EPHA7: variants seen among roughly 807,000 people sequenced by gnomAD.
EPHA7 encodes the protein EPH receptor A7.
In EPHA7, 25 loss-of-function variants were observed where a neutral mutation model predicts 112.6. That is an observed-to-expected ratio of 0.22 (90% confidence interval 0.16 to 0.31). The LOEUF is 0.31. Among genes scored for constraint, EPHA7 ranks in the 10% least tolerant of loss-of-function variants. EPHA7 has a pLI of 1.00. For missense variants in EPHA7, 962 were observed against 1,212.6 expected, an observed-to-expected ratio of 0.79 and a Z score of 3.07; for synonymous variants, 437 against 406.5, an observed-to-expected ratio of 1.07 and a Z score of -0.90.
At chr6:93,253,043 T>A (rs1351773069) in intron 14 of EPHA7, among the ~76,000 whole-genome samples, 1 of 152,060 alleles carries the variant, frequency 6.6e-6, no homozygotes, top group Non-Finnish European at 1.5e-5. Flanking sequence ...TTAAGTGAAC[T>A]CTGAATTTGT....
At chr6:93,364,080 G>C (rs1321009259) in intron 3 of EPHA7, among the ~76,000 whole-genome samples, 1 of 152,132 alleles carries the variant, frequency 6.6e-6, no homozygotes, top group Admixed American at 6.5e-5. Context: ...ATAGATATAA[G>C]GCTTATATTT....
intron 5 of EPHA7, among the ~76,000 whole-genome samples, chr6:93,290,411 A>G (rs1772300297): frequency 6.6e-6 from 1 of 152,204 alleles, no homozygotes; most frequent in African/African-American, 2.4e-5. Flanking sequence ...TAATAATTGT[A>G]CAAGATTGAT....
intron 2 of EPHA7, among the ~76,000 whole-genome samples, chr6:93,412,810 A>G (rs1779042435): frequency 1.3e-5 from 2 of 152,174 alleles, no homozygotes; most frequent in East Asian, 1.9e-4. Flanking sequence ...GTTTGAAGAA[A>G]CCAAAGCTAA....
intron 5 of EPHA7, among the ~76,000 whole-genome samples, chr6:93,296,840 T>A (rs556327849): frequency 6.6e-6 from 1 of 152,048 alleles, no homozygotes; most frequent in Non-Finnish European, 1.5e-5. Context: ...GAAATTATTT[T>A]GCCTATCACA....
intron 3 of EPHA7, among the ~76,000 whole-genome samples, chr6:93,366,148 A>G (rs1385294617): frequency 6.6e-6 from 1 of 152,190 alleles, no homozygotes; most frequent in Non-Finnish European, 1.5e-5. Flanking sequence ...AAGAAAAAAA[A>G]AGTCAAGTTA....
At chr6:93,275,157 C>G (rs1184204696) in intron 5 of EPHA7, among the ~76,000 whole-genome samples, 1 of 151,590 alleles carries the variant, frequency 6.6e-6, no homozygotes, top group Non-Finnish European at 1.5e-5. Context: ...TGACAATATA[C>G]AAATGAATAT....
At chr6:93,387,979 A>ATAG (rs751848116) in intron 3 of EPHA7, among the ~76,000 whole-genome samples, 7 of 131,486 alleles carry the variant, frequency 5.3e-5, no homozygotes, top group African/African-American at 1.4e-4. Context: ...AGATAGATAG[A>ATAG]ATAGATAGAT....
intron 5 of EPHA7, among the ~76,000 whole-genome samples, chr6:93,281,624 C>T (rs975240124): frequency 6.6e-6 from 1 of 152,092 alleles, no homozygotes; most frequent in Admixed American, 6.5e-5. Flanking sequence ...TAATGACCTC[C>T]CTTGCAGGTC....
intron 5 of EPHA7, among the ~76,000 whole-genome samples, chr6:93,345,184 T>C (rs1180103776): frequency 1.3e-5 from 2 of 151,730 alleles, no homozygotes; most frequent in Non-Finnish European, 3.0e-5. Context: ...AATAATACAA[T>C]AGTGATATGG....
rs546190019 is a variant in EPHA7 at position 93,373,532 on chromosome 6, T to C, written c.833-15121A>G. Reference sequence around the variant, plus strand: ...ATGGAATAGGTTCTCACTCTTGCCATTGACTTCTACTCATGATTCTCTGGA... The same window carrying C: ...ATGGAATAGGTTCTCACTCTTGCCACTGACTTCTACTCATGATTCTCTGGA... On this transcript the variant is annotated intron_variant, in intron 3 of 16. Coordinates refer to ENST00000369303, the MANE Select transcript of EPHA7 (RefSeq NM_004440.4). Among the ~76,000 whole-genome samples, 13 of 152,250 alleles carry C rather than the reference T, an allele frequency of 8.5e-5. No homozygotes were observed. In the East Asian group the frequency reaches 1.5e-3, roughly 18 times the overall value.
rs142832162 is a variant in EPHA7, at chr6:93,409,387, AT to A, written c.832+1113del. ...AAGCTATTTACTCTTGATATCCTCT[AT>A]TTTTTTATTGTGTAAAACATAAATG... is the stretch of plus-strand genomic sequence containing the variant. On this transcript the variant is annotated intron_variant, in intron 3 of 16. Coordinates refer to ENST00000369303, the MANE Select transcript of EPHA7 (RefSeq NM_004440.4). Among the ~76,000 whole-genome samples, 33 of 151,086 alleles carry A rather than the reference AT, an allele frequency of 2.2e-4. No homozygotes were observed. The South Asian group carries it at 6.8e-3, about 31-fold the overall frequency.
rs1478550081 is a variant in EPHA7, at chr6:93,241,956, TTC to T, written c.*1468_*1469del. 4.7e-6 allele frequency: 1 copy of T among 214,630 alleles called. No individual in the cohort carries two copies. The highest frequency in any genetic ancestry group is 9.4e-6 in the Non-Finnish European group (1 of 106,138). The allele number at this position is 214,630 out of a possible 1,614,324, so 13.3% of individuals were successfully genotyped here. A position where few individuals can be genotyped will look rare whatever the true frequency, so the allele number is the denominator to read the frequency against. On this transcript the variant is annotated 3_prime_UTR_variant, in exon 17 of 17. Coordinates refer to ENST00000369303, the MANE Select transcript of EPHA7 (RefSeq NM_004440.4). ...CAATTATGACCGATCCCTGGGATCT[TTC>T]TCTATTAAAATCATTATAAACAGCC... is the stretch of plus-strand genomic sequence containing the variant.
At chr6:93,304,583 T>G (rs1042279270) in intron 5 of EPHA7, among the ~76,000 whole-genome samples, 4 of 152,040 alleles carry the variant, frequency 2.6e-5, no homozygotes, top group Non-Finnish European at 5.9e-5. Flanking sequence ...AAGTAAGAAG[T>G]CAGTCCGGGA....
chr6:93,391,098 T>C (rs1777882538), intron 3 of EPHA7, among the ~76,000 whole-genome samples: 1 of 151,946 alleles, frequency 6.6e-6, no homozygotes, highest in African/African-American at 2.4e-5. Context: ...ATAATTTAAA[T>C]TGTCAACAAG....
chr6:93,352,500 G>C (rs1211524369), intron 5 of EPHA7, among the ~76,000 whole-genome samples: 1 of 152,016 alleles, frequency 6.6e-6, no homozygotes, highest in Admixed American at 6.6e-5. Context: ...TTTTATGGAA[G>C]GGCTTTCATT....
intron 3 of EPHA7, among the ~76,000 whole-genome samples, chr6:93,377,727 A>G (rs191987897): frequency 6.6e-6 from 1 of 152,084 alleles, no homozygotes; most frequent in African/African-American, 2.4e-5. Flanking sequence ...ACTTTCTTCT[A>G]CCTCTCATAT....
chr6:93,374,446 GTC>G (rs1197580391), intron 3 of EPHA7, among the ~76,000 whole-genome samples: 25 of 152,226 alleles, frequency 1.6e-4, no homozygotes, highest in African/African-American at 6.0e-4. Context: ...ATGTAGAAGT[GTC>G]AAATATATTA....
chr6:93,382,886 G>T (rs1305829936), intron 3 of EPHA7, among the ~76,000 whole-genome samples: 1 of 152,130 alleles, frequency 6.6e-6, no homozygotes, highest in Non-Finnish European at 1.5e-5. Context: ...ACTATCCAGA[G>T]CCACATTCAT....
chr6:93,273,574 T>C (rs1279356813), intron 5 of EPHA7, among the ~76,000 whole-genome samples: 2 of 151,958 alleles, frequency 1.3e-5, no homozygotes, highest in East Asian at 3.9e-4. Context: ...AGGAAGGACA[T>C]GGAAGATACA....
Sources: allele counts gnomAD v4.1 joint callset (sites outside exome capture counted in the v4.1 genomes callset), GRCh38; gene constraint gnomAD v4.1.1; transcripts MANE v1.5; gene names NCBI Gene and HGNC (gene_info 2026-07-23, HGNC 2026-07-21).